The following RBMS1 variants were observed in gnomAD, a reference collection of about 807,000 sequenced individuals.
RBMS1 encodes RNA-binding motif, single-stranded-interacting protein 1.
In RBMS1, 17 loss-of-function variants were observed where a neutral mutation model predicts 62.3. That is an observed-to-expected ratio of 0.27 (90% CI 0.19 to 0.41). The LOEUF (loss-of-function observed/expected upper bound fraction) is 0.41, where lower values mean the gene tolerates loss of function less well. Among genes scored for constraint, RBMS1 ranks in the 10% least tolerant of loss-of-function variants. The pLI is 1.00. For synonymous variants in RBMS1, 172 were observed against 170.0 expected (o/e 1.01, Z -0.09); for missense variants, 334 against 504.5 (o/e 0.66, Z 3.24).
Position 160,493,451 on chromosome 2 carries a change from C to A in RBMS1, c.-88G>T. On this transcript the variant is annotated 5_prime_UTR_variant, in exon 1 of 14. Transcript: ENST00000348849. ...TCTCCTGCCTCTCCCTTTCCGGCGG[C>A]GGCGGCAGCGGCGGCGGCGGCGGCG... 1 of 1,261,794 alleles carries A rather than the reference C, an allele frequency of 7.9e-7. No homozygotes were observed. The highest frequency in any genetic ancestry group is 2.4e-5 in the East Asian group (1 of 41,310). The allele number at this position is 1,261,794 out of a possible 1,614,324, so 78.2% of individuals were successfully genotyped here. A position where few individuals can be genotyped will look rare whatever the true frequency, so the allele number is the denominator to read the frequency against.
chr2:160,403,630 C>T (rs1328415256), intron 1 of RBMS1, among the ~76,000 whole-genome samples: 1 of 152,184 alleles, frequency 6.6e-6, no homozygotes, highest in Non-Finnish European at 1.5e-5. Context: ...TTAACAAGTA[C>T]AACTATTGGA....
intron 1 of RBMS1, among the ~76,000 whole-genome samples, chr2:160,438,321 G>A (rs1247948115): frequency 6.6e-6 from 1 of 150,670 alleles, no homozygotes; most frequent in African/African-American, 2.4e-5. Flanking sequence ...GGATTTGGCA[G>A]GGTCACAGGA....
intron 4 of RBMS1, 74 bp downstream of exon 4, chr2:160,313,082 T>C (rs373868952): frequency 6.3e-6 from 9 of 1,419,990 alleles, no homozygotes; most frequent in African/African-American, 4.3e-5. Flanking sequence ...CAGATGCAGA[T>C]AGAAAAAGCA....
intron 1 of RBMS1, among the ~76,000 whole-genome samples, chr2:160,459,632 CAT>C (rs1041211640): frequency 2.0e-5 from 3 of 152,290 alleles, no homozygotes; most frequent in Admixed American, 6.5e-5. Flanking sequence ...TATTATTTCA[CAT>C]GTTACATGGT....
At chr2:160,371,383 C>T (rs1354542670) in intron 1 of RBMS1, among the ~76,000 whole-genome samples, 1 of 152,128 alleles carries the variant, frequency 6.6e-6, no homozygotes, top group East Asian at 1.9e-4. Flanking sequence ...TATTTACACA[C>T]ATTCAATCTA....
intron 1 of RBMS1, among the ~76,000 whole-genome samples, chr2:160,398,364 T>C (rs886257447): frequency 6.6e-6 from 1 of 152,180 alleles, no homozygotes; most frequent in African/African-American, 2.4e-5. Flanking sequence ...AAATTTGCCA[T>C]ATAACAATGT....
chr2:160,282,471 G>A lies in RBMS1; in HGVS notation c.901-1107C>T, dbSNP rs1417297307. Reference sequence around the variant, plus strand: ...GAGAAAGGCCCACTCCAACATGAGTGCAGGGCCCTCACTGGATATATGATG... The same window carrying A: ...GAGAAAGGCCCACTCCAACATGAGTACAGGGCCCTCACTGGATATATGATG... On this transcript the variant is annotated intron_variant, in intron 9 of 13. Transcript: ENST00000348849. 6.8e-6 allele frequency: 3 copies of A among 442,044 alleles called. No homozygotes were observed. The East Asian group carries it at 2.0e-4, about 29-fold the overall frequency. 27.4% of individuals were successfully genotyped at this position (442,044 alleles called of 1,614,324 possible).
At chr2:160,300,574 TGAA>T in intron 6 of RBMS1, 74 bp downstream of exon 6, 1 of 1,461,048 alleles carries the variant, frequency 6.8e-7, no homozygotes, top group Admixed American at 2.5e-5. Context: ...TTTGTTCTAT[TGAA>T]GAGTCATCAT....
rs1695814624 is a variant in RBMS1, at chr2:160,407,568, G to T, written c.76-40177C>A. 23 of 984,062 alleles carry T rather than the reference G, an allele frequency of 2.3e-5. No homozygotes were observed. The South Asian group carries it at 9.9e-4, about 42-fold the overall frequency. The allele number at this position is 984,062 out of a possible 1,614,324, so 61.0% of individuals were successfully genotyped here. On this transcript the variant is annotated intron_variant, in intron 1 of 13. Transcript: ENST00000348849. ...GGCGGCGGCGGGTGCGGGCGCGGGCGCGGGCGCGGGGCAGCCTCGCCGCGA... is the reference window on the plus strand; with the variant it reads ...GGCGGCGGCGGGTGCGGGCGCGGGCTCGGGCGCGGGGCAGCCTCGCCGCGA...
intron 2 of RBMS1, among the ~76,000 whole-genome samples, chr2:160,328,364 T>C (rs368363330): frequency 5.9e-5 from 9 of 152,062 alleles, no homozygotes; most frequent in African/African-American, 1.9e-4. Flanking sequence ...TGGCAAAATA[T>C]TGAGAAAAGA....
intron 1 of RBMS1, among the ~76,000 whole-genome samples, chr2:160,476,675 C>T (rs1461627000): frequency 1.3e-5 from 2 of 150,368 alleles, no homozygotes; most frequent in Non-Finnish European, 3.0e-5. Flanking sequence ...CTGCCTCAGC[C>T]TCCCAAGTAG....
chr2:160,335,510 G>C (rs971042868), intron 2 of RBMS1, among the ~76,000 whole-genome samples: 1 of 152,156 alleles, frequency 6.6e-6, no homozygotes, highest in Non-Finnish European at 1.5e-5. Flanking sequence ...AATTTCATAA[G>C]ACCAACTCGT....
intron 1 of RBMS1, among the ~76,000 whole-genome samples, chr2:160,437,884 T>G (rs1683177240): frequency 6.6e-6 from 1 of 152,238 alleles, no homozygotes; most frequent in Admixed American, 6.5e-5. Flanking sequence ...TTTAAGGGAT[T>G]AATGATACAC....
chr2:160,473,170 G>A lies in RBMS1; in HGVS notation c.75+20119C>T, dbSNP rs193275693. ...TGATTAGTGCAGATTGCTCTGTCAC[G>A]TAAAACAAGCTGGCATTTGGAAACT... On this transcript the variant is annotated intron_variant, in intron 1 of 13. Transcript: ENST00000348849. Among the ~76,000 whole-genome samples, 95 of 152,268 alleles carry A rather than the reference G, an allele frequency of 6.2e-4. 1 individual carries two copies. The highest frequency in any genetic ancestry group is 1.6e-3 in the Admixed American group (25 of 15,286).
rs1689866017 is a variant in RBMS1 at position 160,311,232 on chromosome 2, C to CTATATATCTATATATCTATATATCTA, written c.402+1923_402+1924insTAGATATATAGATATATAGATATATA. On this transcript the variant is annotated intron_variant, in intron 4 of 13. Coordinates refer to ENST00000348849, the MANE Select transcript of RBMS1 (RefSeq NM_016836.4). The stretch of plus-strand genomic sequence containing the variant: ...AAAATCTATCTATCTATCTATCTAT[C>CTATATATCTATATATCTATATATCTA]TATATATATATATATATATATATAT... Among the ~76,000 whole-genome samples the CTATATATCTATATATCTATATATCTA allele has an allele frequency of 2.3e-3, 180 of 79,240 alleles. 3 individuals carry two copies. The highest frequency in any genetic ancestry group is 7.7e-3 in the South Asian group (17 of 2,198). The allele number at this position is 79,240 out of a possible 152,430, so 52.0% of individuals were successfully genotyped here.
In RBMS1 at chr2:160,436,964, T is replaced by A. The variant is rs116472224; in HGVS notation, c.75+56325A>T. On this transcript the variant is annotated intron_variant, in intron 1 of 13. Transcript: ENST00000348849. ...GTAGCTAAGGTCTTTATACAGAAAT[T>A]TGAAGGGCAATGAAGAAAAATAACC... is the stretch of plus-strand genomic sequence containing the variant. 8.3e-3 allele frequency among the ~76,000 whole-genome samples: 1,265 copies of A among 152,268 alleles called. 22 individuals are homozygous for A. The highest frequency in any genetic ancestry group is 0.027 in the African/African-American group (1,123 of 41,526).
intron 1 of RBMS1, among the ~76,000 whole-genome samples, chr2:160,368,508 A>G (rs1693536819): frequency 6.6e-6 from 1 of 152,204 alleles, no homozygotes; most frequent in African/African-American, 2.4e-5. Flanking sequence ...ACCCCTTACA[A>G]TAAGCATATC....
chr2:160,415,850 A>T (rs1696189383), intron 1 of RBMS1, among the ~76,000 whole-genome samples: 1 of 152,036 alleles, frequency 6.6e-6, no homozygotes, highest in African/African-American at 2.4e-5. Context: ...AAAGAGGAGG[A>T]TGCTAGAATA....
intron 1 of RBMS1, among the ~76,000 whole-genome samples, chr2:160,413,471 T>A (rs1018450507): frequency 6.6e-6 from 1 of 152,206 alleles, no homozygotes; most frequent in Non-Finnish European, 1.5e-5. Flanking sequence ...TTTTGCTTTT[T>A]AAAAAATCTG....
Sources: gnomAD v4.1 joint callset for allele counts (sites outside exome capture counted in the v4.1 genomes callset) on GRCh38, gnomAD v4.1.1 for gene constraint, MANE v1.5 for transcripts, NCBI Gene and HGNC (gene_info 2026-07-23, HGNC 2026-07-21) for gene names.